The following PRICKLE4 variants were observed in gnomAD, a reference collection of about 807,000 sequenced individuals.
The protein encoded by PRICKLE4 is prickle planar cell polarity protein 4, also known as prickle-like protein 4.
PRICKLE4 carries 40 observed loss-of-function variants against 43.5 expected under a neutral mutation model. That is an observed-to-expected ratio of 0.92 (90% CI 0.71 to 1.20). The LOEUF (loss-of-function observed/expected upper bound fraction) is 1.20. Ranked by LOEUF, PRICKLE4 falls within the 50% of genes most tolerant of loss-of-function variation. The pLI is 0.00. For synonymous variants in PRICKLE4, 208 were observed against 197.4 expected, an observed-to-expected ratio of 1.05 and a Z score of -0.45; for missense variants, 527 against 491.2, an observed-to-expected ratio of 1.07 and a Z score of -0.69.
intron 4 of PRICKLE4, among the ~76,000 whole-genome samples, 171 bp downstream of exon 4, chr6:41,784,409 A>C (rs1318046987): frequency 6.6e-6 from 1 of 152,234 alleles, no homozygotes; most frequent in Non-Finnish European, 1.5e-5. Flanking sequence ...TGGCAATAAC[A>C]ATAGCAGGTG....
intron 6 of PRICKLE4, 45 bp from the exon 7 acceptor site, chr6:41,786,071 TGAATGAATGAGG>T: frequency 1.3e-6 from 2 of 1,542,506 alleles, no homozygotes; most frequent in African/African-American, 1.4e-5. Context: ...GGTTACTGGA[TGAATGAATGAGG>T]GAATGAATGA....
intron 6 of PRICKLE4, 33 bp from the exon 7 acceptor site, chr6:41,786,095 T>G (rs775465456): frequency 6.3e-7 from 1 of 1,588,144 alleles, no homozygotes; most frequent in Admixed American, 1.7e-5. Context: ...AATGAATGAA[T>G]GAAACGTTCC....
chr6:41,784,062 GA>G (rs1216478460), intron 3 of PRICKLE4, 68 bp from the exon 4 acceptor site: 5 of 1,193,102 alleles, frequency 4.2e-6, no homozygotes, highest in Non-Finnish European at 6.0e-6. Flanking sequence ...TGGCAATGAT[GA>G]GGGGGAAAGA....
At chr6:41,782,514 G>A (rs199548048) in intron 2 of PRICKLE4, among the ~76,000 whole-genome samples, 41 of 150,562 alleles carry the variant, frequency 2.7e-4, no homozygotes, top group African/African-American at 9.3e-4. Context: ...CTCAGCCTCC[G>A]GAGTAGCTGG....
chr6:41,785,636 C>A, intron 6 of PRICKLE4, 96 bp downstream of exon 6: 2 of 1,342,330 alleles, frequency 1.5e-6, no homozygotes, highest in Non-Finnish European at 2.0e-6. Context: ...CTCCCAGTAT[C>A]AGGGAGTGGG....
chr6:41,783,561 T>C lies in PRICKLE4; in HGVS notation c.88T>C (p.Ser30Pro), dbSNP rs753061375. The change falls in exon 3 of 8, where the codon TCA becomes CCA. Residue 30 changes from serine (S) to proline (P), a missense_variant. Coordinates refer to ENST00000458694, the MANE Select transcript of PRICKLE4 (RefSeq NM_013397.6). ...TCCACCAGCCAACTCAGACAGTGAC[T>C]CAGGCCACCTGCCGGGGGAGGACCC... is the stretch of plus-strand genomic sequence containing the variant. ...PGPPANSDSD[S>P]GHLPGEDPED... 1 of 1,613,440 alleles carries C rather than the reference T, an allele frequency of 6.2e-7. No homozygotes were observed. The highest frequency in any genetic ancestry group is 8.5e-7 in the Non-Finnish European group (1 of 1,179,804).
chr6:41,783,301 G>A (rs1303149148), intron 2 of PRICKLE4, among the ~76,000 whole-genome samples, 161 bp from the exon 3 acceptor site: 6 of 152,182 alleles, frequency 3.9e-5, no homozygotes, highest in Non-Finnish European at 4.4e-5. Context: ...GCTACTCAAG[G>A]TCTGATCCTC....
rs763585275 is a variant in PRICKLE4 at position 41,786,187 on chromosome 6, C to G, written c.642C>G (p.Phe214Leu). The change falls in exon 7 of 8, where the codon TTC (phenylalanine) becomes TTG (leucine). Residue 214 changes from phenylalanine (F) to leucine (L), a missense_variant. Transcript: ENST00000458694. Reference sequence around the variant, plus strand: ...GACAGCGCTGGCATGAGAACCACTTCTGTTGCCAGGACTGCGCCGGGCCTC... The same window carrying G: ...GACAGCGCTGGCATGAGAACCACTTGTGTTGCCAGGACTGCGCCGGGCCTC... ...AEGQRWHENH[F>L]CCQDCAGPLG... is the part of the protein sequence containing the mutation. The G allele has an allele frequency of 1.2e-6, 2 of 1,612,698 alleles. No individual in the cohort carries two copies. The highest frequency in any genetic ancestry group is 2.7e-5 in the African/African-American group (2 of 74,912).
At position 41,786,996 on chromosome 6, in the gene PRICKLE4, C is replaced by T. The variant is rs1772671965; in HGVS notation, c.1022C>T (p.Thr341Ile). ...IRDPKDTPFSTCSSSSDSEPE... is the reference protein window; with the variant it reads ...IRDPKDTPFSICSSSSDSEPE... ...GATCCCAAGGACACCCCTTTCTCCACCTGCTCCTCCTCCTCTGACTCGGAA... is the reference window on the plus strand; with the variant it reads ...GATCCCAAGGACACCCCTTTCTCCATCTGCTCCTCCTCCTCTGACTCGGAA... Residue 341 changes from threonine (T) to isoleucine (I), a missense_variant, in exon 8 of 8, where the codon ACC becomes ATC. Transcript: ENST00000458694. The T allele has an allele frequency of 1.9e-6, 3 of 1,613,990 alleles. No individual in the cohort carries two copies. The highest frequency in any genetic ancestry group is 2.5e-6 in the Non-Finnish European group (3 of 1,180,038).
In PRICKLE4 at chr6:41,786,805, G is replaced by A; in HGVS notation, c.831G>A (p.Ser277=). ...GAACTGAAGGAAGGGACCAAACCTC[G>A]GTGAACTCTGCAACCCTCTCCCGAA... ...LDRTEGRDQT[S]VNSATLSRTL... Residue 277 remains serine (S), a synonymous_variant, in exon 8 of 8, where the codon TCG becomes TCA. Coordinates refer to ENST00000458694, the MANE Select transcript of PRICKLE4 (RefSeq NM_013397.6). 6.2e-7 allele frequency: 1 copy of A among 1,606,894 alleles called. No homozygotes were observed. The highest frequency in any genetic ancestry group is 8.5e-7 in the Non-Finnish European group (1 of 1,177,436).
At chr6:41,783,864 GA>G in intron 3 of PRICKLE4, 1 of 745,200 alleles carries the variant, frequency 1.3e-6, no homozygotes, top group Non-Finnish European at 2.4e-6. Context: ...CCCAAGGCGT[GA>G]AGGGGGTTAA....
At position 41,786,132 on chromosome 6, in the gene PRICKLE4, T is replaced by C. The variant is rs1485745872; in HGVS notation, c.587T>C (p.Ile196Thr). 6.2e-7 allele frequency: 1 copy of C among 1,613,218 alleles called. No individual in the cohort carries two copies. The highest frequency in any genetic ancestry group is 1.7e-5 in the Admixed American group (1 of 60,014). The change falls in exon 7 of 8, where the codon ATC becomes ACC. Residue 196 changes from isoleucine (I) to threonine (T), a missense_variant. Physicochemically the swap from Ile to Thr is moderately conservative, Grantham distance 89 (BLOSUM62 -1). Coordinates refer to ENST00000458694, the MANE Select transcript of PRICKLE4 (RefSeq NM_013397.6). ...RPRCPACDQL[I>T]FSWRCTEAEG... is the part of the protein sequence containing the mutation. ...CTCTCCCTCTCCCTCTCCCAGCTGA[T>C]CTTCTCCTGGCGCTGCACCGAGGCG...
intron 7 of PRICKLE4, 62 bp from the exon 8 acceptor site, chr6:41,786,700 G>A: frequency 6.2e-7 from 1 of 1,608,780 alleles, no homozygotes; most frequent in Non-Finnish European, 8.5e-7. Context: ...ACCCCCACTA[G>A]CTGCGGTGTA....
Position 41,785,407 on chromosome 6 carries a change from ACCAGCCTTGCTTTGCCTG to A in PRICKLE4, c.454_471del (p.Pro152_Gln157del). The A allele has an allele frequency of 6.2e-7, 1 of 1,614,138 alleles. No individual in the cohort carries two copies. The highest frequency in any genetic ancestry group is 8.5e-7 in the Non-Finnish European group (1 of 1,180,042). On this transcript the variant is annotated inframe_deletion, in exon 6 of 8. Transcript: ENST00000458694. ...CGGGCAGGGGAACAGCGCTGCTGGC[ACCAGCCTTGCTTTGCCTG>A]CCAGGCCTGTGGCCAGGCCCTGATA...
chr6:41,787,154 G>A lies in PRICKLE4; in HGVS notation c.*25G>A. On this transcript the variant is annotated 3_prime_UTR_variant, in exon 8 of 8. Coordinates refer to ENST00000458694, the MANE Select transcript of PRICKLE4 (RefSeq NM_013397.6). The stretch of plus-strand genomic sequence containing the variant: ...GTGGCGCAGCTCAGAGAGGGGATGT[G>A]AGTGGGAGGAAAGGGGTCTGTAAAG... 1 of 1,573,634 alleles carries A rather than the reference G, an allele frequency of 6.4e-7. No homozygotes were observed. The highest frequency in any genetic ancestry group is 8.6e-7 in the Non-Finnish European group (1 of 1,164,814).
Position 41,786,929 on chromosome 6 carries a change from G to A in PRICKLE4, c.955G>A (p.Ala319Thr), listed in dbSNP as rs762545309. 17 of 1,613,794 alleles carry A rather than the reference G, an allele frequency of 1.1e-5. No homozygotes were observed. In the Middle Eastern group the frequency reaches 1.3e-3, roughly 125 times the overall value. Residue 319 changes from alanine (A) to threonine (T), a missense_variant, in exon 8 of 8, where the codon GCA (alanine) becomes ACA (threonine). Ala to Thr is a moderately conservative substitution (Grantham distance 58). Coordinates refer to ENST00000458694, the MANE Select transcript of PRICKLE4 (RefSeq NM_013397.6). ...QENRPGDKAE[A>T]PKGQEQCRLE... The stretch of plus-strand genomic sequence containing the variant: ...GAACCGACCTGGGGACAAAGCGGAG[G>A]CACCCAAAGGGCAGGAGCAATGCCG...
chr6:41,783,433 A>G (rs996889675), intron 2 of PRICKLE4, 29 bp from the exon 3 acceptor site: 1 of 1,455,234 alleles, frequency 6.9e-7, no homozygotes, highest in Non-Finnish European at 9.4e-7. Flanking sequence ...GGCCTAATAC[A>G]TGGAGGTGTT....
Position 41,785,361 on chromosome 6 carries a change from G to A in PRICKLE4, c.403G>A (p.Glu135Lys). ...EKCRELLKPG[E>K]YGVFAARAGE... is the part of the protein sequence containing the mutation. The stretch of plus-strand genomic sequence containing the variant: ...GTGTAGGGAGCTGCTGAAGCCAGGG[G>A]AGTACGGAGTGTTTGCAGCCCGGGC... The change falls in exon 6 of 8, where the codon GAG becomes AAG. Residue 135 changes from glutamate (E) to lysine (K), a missense_variant. Physicochemically the swap from Glu to Lys is moderately conservative, Grantham distance 56. Coordinates refer to ENST00000458694, the MANE Select transcript of PRICKLE4 (RefSeq NM_013397.6). 6.2e-7 allele frequency: 1 copy of A among 1,614,134 alleles called. No homozygotes were observed. Among genetic ancestry groups the A allele is most frequent in the South Asian group, 1.1e-5 (1 of 91,080 alleles).
Position 41,787,041 on chromosome 6 carries a change from G to T in PRICKLE4, c.1067G>T (p.Gly356Val), listed in dbSNP as rs775259823. 3.1e-6 allele frequency: 5 copies of T among 1,613,842 alleles called. No homozygotes were observed. ...SDSEPEGFFL[G>V]ERLPQSWKTP... ...TCGGAACCTGAAGGATTTTTCTTAG[G>T]CGAGCGCCTTCCCCAGTCCTGGAAG... is the stretch of plus-strand genomic sequence containing the variant. Residue 356 changes from glycine (G) to valine (V), a missense_variant, in exon 8 of 8, where the codon GGC becomes GTC. Transcript: ENST00000458694.
Sources: allele counts gnomAD v4.1 joint callset (sites outside exome capture counted in the v4.1 genomes callset), GRCh38; gene constraint gnomAD v4.1.1; transcripts MANE v1.5; gene names NCBI Gene and HGNC (gene_info 2026-07-23, HGNC 2026-07-21).